Variants in GNAS observed in about 807,000 individuals in gnomAD.
GNAS encodes GNAS complex locus.
In GNAS, 8 loss-of-function variants were observed where a neutral mutation model predicts 54.5. The observed-to-expected ratio is 0.15, with a 90% CI of 0.09 to 0.26. The LOEUF is 0.26. Ranked by LOEUF, GNAS falls within the 10% of genes least tolerant of loss-of-function variation. The pLI, the probability that GNAS is intolerant of heterozygous loss-of-function variation, is 1.00. For missense variants in GNAS, 170 were observed against 529.8 expected, an observed-to-expected ratio of 0.32 and a Z score of 6.67; for synonymous variants, 204 against 191.4, an observed-to-expected ratio of 1.07 and a Z score of -0.54.
chr20:58,849,163 G>C (rs1192680846), intron 1 of GNAS, among the ~76,000 whole-genome samples: 1 of 152,136 alleles, frequency 6.6e-6, no homozygotes, highest in Non-Finnish European at 1.5e-5. Flanking sequence ...CTAGTGGGTA[G>C]AGGCTAGGGA....
chr20:58,887,851 G>A (rs2088698063), upstream of GNAS, among the ~76,000 whole-genome samples: 1 of 152,118 alleles, frequency 6.6e-6, no homozygotes, highest in Non-Finnish European at 1.5e-5. Flanking sequence ...TGTACAATGG[G>A]GGCAGCAGTG....
At chr20:58,889,226 C>A, upstream of GNAS, 7 of 1,207,928 alleles carry the variant, frequency 5.8e-6, no homozygotes, top group Non-Finnish European at 7.4e-6. Context: ...GGCTGGCCGG[C>A]GCGGCGCTCC....
At chr20:58,850,420 C>T (rs1289711611) in intron 1 of GNAS, 2 of 397,610 alleles carry the variant, frequency 5.0e-6, no homozygotes, top group East Asian at 3.6e-5. Context: ...TGAACCCGTT[C>T]CTCGACAAAT....
upstream of GNAS, among the ~76,000 whole-genome samples, chr20:58,886,422 C>A (rs1043136762): frequency 1.3e-5 from 2 of 152,070 alleles, no homozygotes; most frequent in African/African-American, 4.8e-5. Context: ...CATTTTATAC[C>A]CAAGATATTC....
chr20:58,891,045 G>C (rs1040900927), upstream of GNAS, among the ~76,000 whole-genome samples: 1 of 150,826 alleles, frequency 6.6e-6, no homozygotes, highest in Admixed American at 6.6e-5. Flanking sequence ...GGGGTGGAGC[G>C]TTGGCGTCGT....
At chr20:58,840,594 TGCAC>T (rs1373924247), upstream of GNAS, 1 of 1,610,778 alleles carries the variant, frequency 6.2e-7, no homozygotes, top group African/African-American at 1.3e-5. This position sits in a 1 kb window ranked among gnomAD's most constrained non-coding sequence, Gnocchi z 6.0. Context: ...ACCCAGCGTC[TGCAC>T]GCTCTCAAGT....
chr20:58,861,987 G>A (rs757586239), intron 1 of GNAS, among the ~76,000 whole-genome samples: 3 of 152,008 alleles, frequency 2.0e-5, no homozygotes, highest in Non-Finnish European at 4.4e-5. Context: ...TTACAGGTGT[G>A]AGCCATGGCA....
chr20:58,889,240 G>A (rs1389486051), upstream of GNAS: 3 of 959,594 alleles, frequency 3.1e-6, no homozygotes, highest in Middle Eastern at 4.8e-4. Flanking sequence ...GCGCTCCCCT[G>A]CTCTCTGGCT....
chr20:58,879,634 G>GGT (rs2088089617), intron 1 of GNAS, among the ~76,000 whole-genome samples: 7 of 152,194 alleles, frequency 4.6e-5, no homozygotes, highest in African/African-American at 1.4e-4. Flanking sequence ...GGTGCGGAAG[G>GGT]AAGGGTACAC....
At chr20:58,903,099 A>G (rs1247256456) in intron 3 of GNAS, 1 of 340,872 alleles carries the variant, frequency 2.9e-6, no homozygotes, top group African/African-American at 2.1e-5. Context: ...TATGCTAGCA[A>G]CTGAGTTAAT....
chr20:58,867,112 A>C (rs2087113685), intron 1 of GNAS, among the ~76,000 whole-genome samples: 2 of 152,220 alleles, frequency 1.3e-5, no homozygotes, highest in African/African-American at 2.4e-5. Context: ...GAAATTACCA[A>C]AGGCAAGCTT....
At chr20:58,840,614 A>G (rs2085680211), upstream of GNAS, 10 of 1,608,408 alleles carry the variant, frequency 6.2e-6, no homozygotes, top group East Asian at 2.2e-4. This position sits in a 1 kb window ranked among gnomAD's most constrained non-coding sequence, Gnocchi z 6.0. Flanking sequence ...CAAGTTGCGA[A>G]GCCCCGACGC....
At position 58,909,644 on chromosome 20, in the gene GNAS, G is replaced by A. The variant is rs2146282934; in HGVS notation, c.719-40G>A. Reference sequence around the variant, plus strand: ...TGCTTCTGTGTTGTTAGGGATCAGGGTCGCTGCTCACGCTCTTGGCTTTGC... The same window carrying A: ...TGCTTCTGTGTTGTTAGGGATCAGGATCGCTGCTCACGCTCTTGGCTTTGC... On this transcript the variant is annotated intron_variant, in intron 9 of 12. Coordinates refer to ENST00000371085, the MANE Select transcript of GNAS (RefSeq NM_000516.7). The surrounding 1 kb of genome is among the most constrained non-coding windows in gnomAD (Gnocchi z 7.3). 6.2e-7 allele frequency: 1 copy of A among 1,614,158 alleles called. No individual in the cohort carries two copies. The highest frequency in any genetic ancestry group is 1.7e-5 in the Admixed American group (1 of 60,028).
upstream of GNAS, chr20:58,839,798 C>G: frequency 3.5e-6 from 2 of 578,408 alleles, no homozygotes; most frequent in Non-Finnish European, 3.1e-6. Flanking sequence ...GCACCTCTCT[C>G]GAGTCTTAGG....
Position 58,909,486 on chromosome 20 carries a change from C to T in GNAS, c.660-35C>T, listed in dbSNP as rs1265190696. 4 of 1,612,870 alleles carry T rather than the reference C, an allele frequency of 2.5e-6. No homozygotes were observed. Among genetic ancestry groups the T allele is most frequent in the Non-Finnish European group, 3.4e-6 (4 of 1,178,848 alleles). On this transcript the variant is annotated intron_variant, in intron 8 of 12. Transcript: ENST00000371085. This position sits in a 1 kb window ranked among gnomAD's most constrained non-coding sequence, Gnocchi z 7.3. ...TGGTTTCTTGACATTCACCCCAGTC[C>T]CTCTGGAATAACCAGCTGTCCTCCT...
intron 1 of GNAS, chr20:58,854,060 C>T (rs753138877): frequency 1.2e-6 from 2 of 1,611,188 alleles, no homozygotes; most frequent in East Asian, 2.2e-5. Flanking sequence ...GTGCGGTCCG[C>T]CTCACTCCCG....
chr20:58,899,766 G>T (rs1482298547), intron 3 of GNAS, among the ~76,000 whole-genome samples: 1 of 152,030 alleles, frequency 6.6e-6, no homozygotes, highest in Non-Finnish European at 1.5e-5. Flanking sequence ...AACCACTCTA[G>T]CTCTGCTGTG....
chr20:58,901,861 C>A (rs2090634858), intron 3 of GNAS, among the ~76,000 whole-genome samples: 1 of 127,936 alleles, frequency 7.8e-6, no homozygotes, highest in African/African-American at 2.9e-5. Flanking sequence ...CCTGCTGCTC[C>A]ACTGACTGCC....
chr20:58,867,295 T>C (rs2087122837), intron 1 of GNAS, among the ~76,000 whole-genome samples: 1 of 152,234 alleles, frequency 6.6e-6, no homozygotes, highest in African/African-American at 2.4e-5. Context: ...TTTTAGCTGC[T>C]AAAAGGAAGC....
Sources: gnomAD v4.1 joint callset for allele counts (sites outside exome capture counted in the v4.1 genomes callset) on GRCh38, gnomAD v4.1.1 for gene constraint, Gnocchi (gnomAD v3.1) non-coding constraint, MANE v1.5 for transcripts, NCBI Gene and HGNC (gene_info 2026-07-23, HGNC 2026-07-21) for gene names.